The following CRYBG2 variants were observed in gnomAD, a reference collection of about 807,000 sequenced individuals.
CRYBG2 encodes crystallin beta-gamma domain containing 2.
CRYBG2 carries 106 observed loss-of-function variants against 153.4 expected under a neutral mutation model. The observed-to-expected ratio is 0.69, with a 90% CI of 0.59 to 0.81. The LOEUF (loss-of-function observed/expected upper bound fraction) is 0.81. Among genes scored for constraint, CRYBG2 ranks in the 30% least tolerant of loss-of-function variants. The pLI is 0.00. For synonymous variants in CRYBG2, 851 were observed against 877.8 expected, an observed-to-expected ratio of 0.97 and a Z score of 0.54; for missense variants, 1,996 against 2,112.0, an observed-to-expected ratio of 0.95 and a Z score of 1.08.
chr1:26,339,904 C>T (rs2074110044), intron 5 of CRYBG2, among the ~76,000 whole-genome samples: 1 of 152,210 alleles, frequency 6.6e-6, no homozygotes, highest in Non-Finnish European at 1.5e-5. Flanking sequence ...GCAAGGTCAG[C>T]CAGCCAAGCC....
chr1:26,322,134 G>A (rs755093989), intron 19 of CRYBG2, 30 bp downstream of exon 19: 2 of 1,603,920 alleles, frequency 1.2e-6, no homozygotes, highest in Admixed American at 3.3e-5. Context: ...GCCCCCTCAG[G>A]AGCCCTCTTC....
At chr1:26,337,954 C>T in intron 8 of CRYBG2, 58 bp downstream of exon 8, 1 of 1,589,804 alleles carries the variant, frequency 6.3e-7, no homozygotes, top group East Asian at 2.3e-5. Flanking sequence ...CCACGATAAC[C>T]AAACACCTGC....
At position 26,328,279 on chromosome 1, in the gene CRYBG2, C is replaced by T. The variant is rs1249519390; in HGVS notation, c.4508G>A (p.Ser1503Asn). ...GGTCAGCCAGTTGGTGATCTCGCAG[C>T]TTCCCACCAGCCACTGGCGGCCCCG... is the stretch of plus-strand genomic sequence containing the variant. ...DFRGRQWLVG[S>N]CEITNWLTYS... is the part of the protein sequence containing the mutation. The change falls in exon 17 of 20, where the codon AGC (serine) becomes AAC (asparagine). Residue 1503 changes from serine (S) to asparagine (N), a missense_variant. Ser to Asn is a conservative substitution (Grantham distance 46). Transcript: ENST00000308182. 6.4e-7 allele frequency: 1 copy of T among 1,568,948 alleles called. No homozygotes were observed. The highest frequency in any genetic ancestry group is 1.2e-5 in the South Asian group (1 of 85,510).
chr1:26,347,290 T>C (rs992926525), intron 1 of CRYBG2, among the ~76,000 whole-genome samples: 2 of 132,208 alleles, frequency 1.5e-5, no homozygotes, highest in East Asian at 4.3e-4. Context: ...CTGCGTTTTT[T>C]TTTTTTTTTT....
At chr1:26,335,119 CA>C (rs34582852) in intron 14 of CRYBG2, among the ~76,000 whole-genome samples, 61,877 of 146,786 alleles carry the variant, frequency 0.42, 13,329 homozygotes, top group Middle Eastern at 0.5. Flanking sequence ...AGATTTGGAG[CA>C]AAAAAAAAAA....
Position 26,339,228 on chromosome 1 carries a change from T to C in CRYBG2, c.3344+62A>G, listed in dbSNP as rs1480737319. 4 of 1,558,612 alleles carry C rather than the reference T, an allele frequency of 2.6e-6. No homozygotes were observed. In the African/African-American group the frequency reaches 4.1e-5, roughly 16 times the overall value. On this transcript the variant is annotated intron_variant, in intron 6 of 19. Transcript: ENST00000308182. ...CAGGAACTGTGTTCTGTCACCTCTG[T>C]GTCCCCAGCACCCAGCACAGTGAAT...
chr1:26,340,728 T>C (rs535887044), intron 5 of CRYBG2, among the ~76,000 whole-genome samples: 2 of 152,224 alleles, frequency 1.3e-5, no homozygotes, highest in South Asian at 4.1e-4. Context: ...TTCTCCTGCC[T>C]CAGCCTCCCA....
Position 26,345,907 on chromosome 1 carries a change from T to G in CRYBG2, c.751A>C (p.Ser251Arg). ...LVPAGHSPPASHLPRPTAGGP... is the reference protein window; with the variant it reads ...LVPAGHSPPARHLPRPTAGGP... ...CCAGCCGTGGGCCTGGGCAGGTGAC[T>G]GGCAGGGGGGCTGTGCCCAGCAGGC... Residue 251 changes from serine (S) to arginine (R), a missense_variant, in exon 2 of 20, where the codon AGT (serine) becomes CGT (arginine). By Grantham distance (110) the Ser-to-Arg change is moderately radical. Transcript: ENST00000308182. 1.3e-6 allele frequency: 2 copies of G among 1,597,430 alleles called. No individual in the cohort carries two copies. The highest frequency in any genetic ancestry group is 1.7e-6 in the Non-Finnish European group (2 of 1,179,320).
Position 26,331,477 on chromosome 1 carries a change from A to T in CRYBG2, c.4314+12T>A. 6.2e-7 allele frequency: 1 copy of T among 1,606,464 alleles called. No individual in the cohort carries two copies. The highest frequency in any genetic ancestry group is 8.5e-7 in the Non-Finnish European group (1 of 1,174,052). On this transcript the variant is annotated intron_variant, in intron 15 of 19. Transcript: ENST00000308182. ...CTTCCGGGATTGCCTGGAACCAGACATGGAAACTCACCAGGGATACCTTCT... is the reference window on the plus strand; with the variant it reads ...CTTCCGGGATTGCCTGGAACCAGACTTGGAAACTCACCAGGGATACCTTCT...
Position 26,336,143 on chromosome 1 carries a change from G to A in CRYBG2, c.4136C>T (p.Ala1379Val). ...DHFSFEDDQA[A>V]LPASFRPQSC... ...CTGAGGTCGGAAGGAGGCGGGCAGA[G>A]CGGCCTGGTCATCTTCGAAAGAGAA... Residue 1379 changes from alanine (A) to valine (V), a missense_variant, in exon 14 of 20, where the codon GCT (alanine) becomes GTT (valine). Physicochemically the swap from Ala to Val is moderately conservative, Grantham distance 64. Coordinates refer to ENST00000308182, the MANE Select transcript of CRYBG2 (RefSeq NM_001039775.4). The surrounding 1 kb of genome is among the most constrained non-coding windows in gnomAD (Gnocchi z 4.9). The A allele has an allele frequency of 1.3e-6, 2 of 1,534,736 alleles. No homozygotes were observed. The highest frequency in any genetic ancestry group is 1.8e-6 in the Non-Finnish European group (2 of 1,135,468).
At chr1:26,333,198 G>C (rs1200344726) in intron 14 of CRYBG2, among the ~76,000 whole-genome samples, 7 of 151,962 alleles carry the variant, frequency 4.6e-5, no homozygotes, top group Non-Finnish European at 1.0e-4. Context: ...TTCAGAGGTG[G>C]GGCCTTTAGG....
chr1:26,344,071 C>T lies in CRYBG2; in HGVS notation c.2587G>A (p.Ala863Thr), dbSNP rs561679055. ...GPSPSRDLHP[A>T]RPTQVSCSPL... is the part of the protein sequence containing the mutation. Reference sequence around the variant, plus strand: ...GAGCAGGAGACCTGGGTGGGTCTGGCAGGGTGGAGGTCCCTGGAGGGGCTG... The same window carrying T: ...GAGCAGGAGACCTGGGTGGGTCTGGTAGGGTGGAGGTCCCTGGAGGGGCTG... The change falls in exon 2 of 20, where the codon GCC becomes ACC. Residue 863 changes from alanine to threonine, a missense_variant. Transcript: ENST00000308182. The T allele has an allele frequency of 2.0e-6, 3 of 1,536,170 alleles. No homozygotes were observed. The highest frequency in any genetic ancestry group is 2.4e-5 in the South Asian group (2 of 84,062).
In CRYBG2 at chr1:26,343,146, G is replaced by A; in HGVS notation, c.2975C>T (p.Ser992Leu). 1 of 1,550,626 alleles carries A rather than the reference G, an allele frequency of 6.4e-7. No individual in the cohort carries two copies. The highest frequency in any genetic ancestry group is 8.7e-7 in the Non-Finnish European group (1 of 1,147,000). ...NTRPGKVIFFSESGCQGSGRE... is the reference protein window; with the variant it reads ...NTRPGKVIFFLESGCQGSGRE... Reference sequence around the variant, plus strand: ...GCCACTGCCTTGGCAGCCAGACTCTGAGAAGAAGATCACCTGAGAAGGCAC... The same window carrying A: ...GCCACTGCCTTGGCAGCCAGACTCTAAGAAGAAGATCACCTGAGAAGGCAC... Residue 992 changes from serine (S) to leucine (L), a missense_variant, in exon 4 of 20, where the codon TCA becomes TTA. By Grantham distance (145) the Ser-to-Leu change is moderately radical. Coordinates refer to ENST00000308182, the MANE Select transcript of CRYBG2 (RefSeq NM_001039775.4). This position sits in a 1 kb window ranked among gnomAD's most constrained non-coding sequence, Gnocchi z 4.1.
At chr1:26,349,181 T>A (rs761594226) in intron 1 of CRYBG2, among the ~76,000 whole-genome samples, 3 of 151,642 alleles carry the variant, frequency 2.0e-5, no homozygotes, top group Admixed American at 6.6e-5. Flanking sequence ...AATTAAAATT[T>A]TAAAAAAAAA....
At chr1:26,335,918 A>G (rs1486840370) in intron 14 of CRYBG2, among the ~76,000 whole-genome samples, 177 bp downstream of exon 14, 1 of 152,240 alleles carries the variant, frequency 6.6e-6, no homozygotes. Flanking sequence ...TTATCTTTAT[A>G]TTATACAATC....
chr1:26,334,195 G>T (rs1166801765), intron 14 of CRYBG2, among the ~76,000 whole-genome samples: 1 of 152,194 alleles, frequency 6.6e-6, no homozygotes, highest in African/African-American at 2.4e-5. Flanking sequence ...GACCAAGAAG[G>T]GAGGATTGCT....
At position 26,336,967 on chromosome 1, in the gene CRYBG2, G is replaced by A; in HGVS notation, c.3785C>T (p.Pro1262Leu). ...CATGGCCTCAAATAGCACGACGGCC[G>A]GGTCCCCGAAGTCCTGGGTCCCCAG... ...LRVIRTDFGD[P>L]AVVLFEAMDF... The change falls in exon 11 of 20, where the codon CCG becomes CTG. Residue 1262 changes from proline to leucine, a missense_variant. By Grantham distance (98) the Pro-to-Leu change is moderately conservative. Transcript: ENST00000308182. The surrounding 1 kb of genome is among the most constrained non-coding windows in gnomAD (Gnocchi z 4.9). 6.2e-7 allele frequency: 1 copy of A among 1,613,566 alleles called. No homozygotes were observed. Among genetic ancestry groups the A allele is most frequent in the South Asian group, 1.1e-5 (1 of 90,978 alleles).
rs184670323 is a variant in CRYBG2, at chr1:26,332,321, A to G, written c.4185-703T>C. Among the ~76,000 whole-genome samples the G allele has an allele frequency of 5.2e-3, 789 of 151,556 alleles. 6 individuals carry two copies. Among genetic ancestry groups the G allele is most frequent in the Middle Eastern group, 0.024 (7 of 292 alleles). ...GACTCCGTGTCAAAAAAAAAAAAAA[A>G]AAAGAAAGAAAAAGTGGAGTATAAT... On this transcript the variant is annotated intron_variant, in intron 14 of 19. Transcript: ENST00000308182.
chr1:26,347,413 C>A (rs2074237898), intron 1 of CRYBG2, among the ~76,000 whole-genome samples: 1 of 151,428 alleles, frequency 6.6e-6, no homozygotes, highest in African/African-American at 2.4e-5. Flanking sequence ...CCTGCCTCAG[C>A]CTCCCAAGTA....
Sources: gnomAD v4.1 joint callset for allele counts (sites outside exome capture counted in the v4.1 genomes callset) on GRCh38, gnomAD v4.1.1 for gene constraint, Gnocchi (gnomAD v3.1) non-coding constraint, MANE v1.5 for transcripts, NCBI Gene and HGNC (gene_info 2026-07-23, HGNC 2026-07-21) for gene names.